The following ZNF724 variants were observed in gnomAD, a reference collection of about 807,000 sequenced individuals.
ZNF724 encodes zinc finger protein 724.
A neutral mutation model predicts 29.3 loss-of-function variants in ZNF724; 14 were observed. The observed-to-expected ratio is 0.48, with a 90% CI of 0.32 to 0.75. The LOEUF (loss-of-function observed/expected upper bound fraction) is 0.75, where lower values mean the gene tolerates loss of function less well. ZNF724 is among the 30% of genes least tolerant of loss of function. The pLI is 0.04. For missense variants in ZNF724, 557 were observed against 571.2 expected (o/e 0.98, Z 0.25); for synonymous variants, 180 against 193.6 (o/e 0.93, Z 0.58).
In ZNF724 at chr19:23,223,770, T is replaced by A. The variant is rs760117923; in HGVS notation, c.475A>T (p.Asn159Tyr). Residue 159 changes from asparagine to tyrosine, a missense_variant, in exon 4 of 4, where the codon AAT becomes TAT. Coordinates refer to ENST00000418100, the MANE Select transcript of ZNF724 (RefSeq NM_001355404.2). ...TTTTCAGTCTTATGTCTATTTGAAT[T>A]TGAAAATTTATGAAAGTCTTTCACA... ...KYVKDFHKFS[N>Y]SNRHKTEKNP... 1 of 761,494 alleles carries A rather than the reference T, an allele frequency of 1.3e-6. No homozygotes were observed. The highest frequency in any genetic ancestry group is 2.4e-6 in the Non-Finnish European group (1 of 409,024). 47.2% of individuals were successfully genotyped at this position (761,494 alleles called of 1,614,324 possible). A position where few individuals can be genotyped will look rare whatever the true frequency, so the allele number is the denominator to read the frequency against.
At chr19:23,240,989 C>T (rs12461360) in intron 1 of ZNF724, among the ~76,000 whole-genome samples, 72,915 of 151,660 alleles carry the variant, frequency 0.48, 19,214 homozygotes, top group East Asian at 0.68. Flanking sequence ...GCCAAGATCA[C>T]GCCAGTGCAC....
rs1241167367 is a variant in ZNF724, at chr19:23,223,454, T to C, written c.791A>G (p.Asn264Ser). Residue 264 changes from asparagine to serine, a missense_variant, in exon 4 of 4, where the codon AAC becomes AGC. Asn to Ser is a conservative substitution (Grantham distance 46, BLOSUM62 1). Coordinates refer to ENST00000418100, the MANE Select transcript of ZNF724 (RefSeq NM_001355404.2). ...ATGTGTAGTAAGGTGTGAGGATATG[T>C]TAAAAGCTTTTCCACATTCTTCACG... ...YKREECGKAF[N>S]ISSHLTTHKI... The C allele has an allele frequency of 1.3e-6, 1 of 763,984 alleles. No homozygotes were observed. Among genetic ancestry groups the C allele is most frequent in the Non-Finnish European group, 2.4e-6 (1 of 410,490 alleles). 47.3% of individuals were successfully genotyped at this position (763,984 alleles called of 1,614,324 possible). A position where few individuals can be genotyped will look rare whatever the true frequency, so the allele number is the denominator to read the frequency against.
At chr19:23,229,848 C>T (rs1971904208) in intron 3 of ZNF724, among the ~76,000 whole-genome samples, 2 of 152,106 alleles carry the variant, frequency 1.3e-5, no homozygotes, top group African/African-American at 4.8e-5. Flanking sequence ...CTATATTGTG[C>T]CCAGTGTCAA....
chr19:23,223,807 C>G lies in ZNF724; in HGVS notation c.438G>C (p.Gln146His). The change falls in exon 4 of 4, where the codon CAG (glutamine) becomes CAC (histidine). Residue 146 changes from glutamine (Q) to histidine (H), a missense_variant. Transcript: ENST00000418100. ...GAAAGTCTTTCACATATTTATCACACTGAAATATTTTGCTCTGGGTAGTTG... is the reference window on the plus strand; with the variant it reads ...GAAAGTCTTTCACATATTTATCACAGTGAAATATTTTGCTCTGGGTAGTTG... ...CLTTTQSKIF[Q>H]CDKYVKDFHK... 3 of 778,672 alleles carry G rather than the reference C, an allele frequency of 3.9e-6. No individual in the cohort carries two copies. The South Asian group carries it at 4.0e-5, about 10-fold the overall frequency. The allele number at this position is 778,672 out of a possible 1,614,324, so 48.2% of individuals were successfully genotyped here.
chr19:23,240,652 G>A (rs992359299), intron 1 of ZNF724, among the ~76,000 whole-genome samples: 1 of 149,598 alleles, frequency 6.7e-6, no homozygotes, highest in Non-Finnish European at 1.5e-5. Flanking sequence ...CCAGGAAGGC[G>A]AAGGTTGCGG....
At chr19:23,243,964 A>T (rs887608117) in intron 1 of ZNF724, among the ~76,000 whole-genome samples, 41 of 151,652 alleles carry the variant, frequency 2.7e-4, no homozygotes, top group Non-Finnish European at 7.4e-5. Flanking sequence ...AAAAAAAAAA[A>T]ATACCTGTTT....
In ZNF724 at chr19:23,224,039, A is replaced by G. The variant is rs200880488; in HGVS notation, c.227-21T>C. ...CATACCTGAAAGAAATAAAAATAAC[A>G]ACTTACTCCACATACTAGACTCAGA... On this transcript the variant is annotated intron_variant, in intron 3 of 3. Transcript: ENST00000418100. The G allele has an allele frequency of 9.1e-5, 57 of 623,248 alleles. No individual in the cohort carries two copies. The Middle Eastern group carries it at 1.0e-3, about 11-fold the overall frequency. The allele number at this position is 623,248 out of a possible 1,614,324, so 38.6% of individuals were successfully genotyped here.
intron 1 of ZNF724, among the ~76,000 whole-genome samples, chr19:23,238,123 T>C (rs1304325095): frequency 6.6e-6 from 1 of 152,140 alleles, no homozygotes; most frequent in Non-Finnish European, 1.5e-5. Context: ...CCCAGCACTT[T>C]GGGAGGCCGA....
chr19:23,239,602 T>C (rs1972083099), intron 1 of ZNF724, among the ~76,000 whole-genome samples: 1 of 152,142 alleles, frequency 6.6e-6, no homozygotes, highest in African/African-American at 2.4e-5. Flanking sequence ...TAGCACTAAC[T>C]ACTCACATCA....
Position 23,245,851 on chromosome 19 carries a change from G to A in ZNF724, c.3+4389C>T, listed in dbSNP as rs919437630. On this transcript the variant is annotated intron_variant, in intron 1 of 3. Transcript: ENST00000418100. ...ACTTTATATTTAAAAGTCTAGAAAC[G>A]CCTCAAAGCAAGAACAACTTTATCT... Among the ~76,000 whole-genome samples the A allele has an allele frequency of 5.3e-5, 8 of 152,000 alleles. No individual in the cohort carries two copies. In the South Asian group the frequency reaches 1.7e-3, roughly 32 times the overall value.
chr19:23,222,213 T>C lies in ZNF724; in HGVS notation c.*172A>G, dbSNP rs1360238453. The C allele has an allele frequency of 3.2e-5, 18 of 555,104 alleles. No homozygotes were observed. Among genetic ancestry groups the C allele is most frequent in the Non-Finnish European group, 4.5e-5 (14 of 313,754 alleles). The allele number at this position is 555,104 out of a possible 1,614,324, so 34.4% of individuals were successfully genotyped here. On this transcript the variant is annotated 3_prime_UTR_variant, in exon 4 of 4. Coordinates refer to ENST00000418100, the MANE Select transcript of ZNF724 (RefSeq NM_001355404.2). ...AACCATTTAAAGGTGTTTAGAAATA[T>C]TGAGGTGTTGTCAACTGCACTGTTA... is the stretch of plus-strand genomic sequence containing the variant.
At chr19:23,239,222 CCTAA>C (rs1361997156) in intron 1 of ZNF724, among the ~76,000 whole-genome samples, 1 of 152,140 alleles carries the variant, frequency 6.6e-6, no homozygotes, top group Non-Finnish European at 1.5e-5. Context: ...ACCAAATAGT[CCTAA>C]CTGGCATCTA....
Position 23,223,872 on chromosome 19 carries a change from C to T in ZNF724, c.373G>A (p.Val125Met), listed in dbSNP as rs1278473618. 1.3e-6 allele frequency: 1 copy of T among 779,320 alleles called. No homozygotes were observed. The highest frequency in any genetic ancestry group is 1.7e-5 in the African/African-American group (1 of 59,210). The allele number at this position is 779,320 out of a possible 1,614,324, so 48.3% of individuals were successfully genotyped here. Residue 125 changes from valine (V) to methionine (M), a missense_variant, in exon 4 of 4, where the codon GTG (valine) becomes ATG (methionine). By Grantham distance (21) the Val-to-Met change is conservative (BLOSUM62 1). Around this residue, in one of 3 missense-constraint regions of ZNF724, gnomAD observed 362 missense variants for 295.5 expected, o/e 1.22. Transcript: ENST00000418100. ...KGYKSVDEYK[V>M]HKGSYNGFNQ... ...AATCCATTATAACTTCCTTTGTGCACCTTGTACTCATCCACACTTTTATAG... is the reference window on the plus strand; with the variant it reads ...AATCCATTATAACTTCCTTTGTGCATCTTGTACTCATCCACACTTTTATAG...
intron 1 of ZNF724, among the ~76,000 whole-genome samples, chr19:23,248,447 TG>T (rs1972281061): frequency 2.0e-5 from 3 of 152,090 alleles, no homozygotes; most frequent in Admixed American, 2.0e-4. Flanking sequence ...AGACCCTGCT[TG>T]GAACACACGT....
At chr19:23,232,140 G>T in intron 2 of ZNF724, 27 bp downstream of exon 2, 1 of 1,277,968 alleles carries the variant, frequency 7.8e-7, no homozygotes, top group Non-Finnish European at 1.1e-6. Flanking sequence ...GGGTAGATTA[G>T]GAATTGTGTA....
chr19:23,239,059 G>T (rs1972070817), intron 1 of ZNF724, among the ~76,000 whole-genome samples: 1 of 152,204 alleles, frequency 6.6e-6, no homozygotes, highest in Non-Finnish European at 1.5e-5. Context: ...AAATCCATGA[G>T]TGCATATGAA....
At chr19:23,238,253 TGCTTGGGAG>T (rs1972055999) in intron 1 of ZNF724, among the ~76,000 whole-genome samples, 1 of 152,068 alleles carries the variant, frequency 6.6e-6, no homozygotes, top group African/African-American at 2.4e-5. Flanking sequence ...TAGTACCAGC[TGCTTGGGAG>T]GCTGAGGCAG....
At chr19:23,228,223 G>T (rs1433227316) in intron 3 of ZNF724, among the ~76,000 whole-genome samples, 1 of 152,104 alleles carries the variant, frequency 6.6e-6, no homozygotes, top group Non-Finnish European at 1.5e-5. Context: ...GCTGAGACAG[G>T]TGGGTCACCT....
intron 2 of ZNF724, among the ~76,000 whole-genome samples, chr19:23,231,694 A>AT (rs952071251): frequency 2.2e-3 from 330 of 148,538 alleles, no homozygotes; most frequent in South Asian, 6.8e-3. Context: ...AACATCTTGA[A>AT]TTTTTTTTTT....
Sources: gnomAD v4.1 joint callset for allele counts (sites outside exome capture counted in the v4.1 genomes callset) on GRCh38, gnomAD v4.1.1 for gene constraint, gnomAD v4.1.1 regional missense constraint, MANE v1.5 for transcripts, NCBI Gene and HGNC (gene_info 2026-07-23, HGNC 2026-07-21) for gene names.